The following GRIP1 variants were observed in gnomAD, a reference collection of about 807,000 sequenced individuals.
The protein encoded by GRIP1 is glutamate receptor interacting protein 1.
GRIP1 carries 45 observed loss-of-function variants against 129.9 expected under a neutral mutation model. The observed-to-expected ratio is 0.35, with a 90% CI of 0.27 to 0.44. The LOEUF (loss-of-function observed/expected upper bound fraction) is 0.44. Among genes scored for constraint, GRIP1 ranks in the 20% least tolerant of loss-of-function variants. The pLI, the probability that GRIP1 is intolerant of heterozygous loss-of-function variation, is 1.00. For synonymous variants in GRIP1, 530 were observed against 520.8 expected (o/e 1.02, Z -0.24); for missense variants, 1,196 against 1,396.8 (o/e 0.86, Z 2.29).
At chr12:66,649,532 T>C (rs1240008086) in intron 1 of GRIP1, among the ~76,000 whole-genome samples, 1 of 152,210 alleles carries the variant, frequency 6.6e-6, no homozygotes, top group Admixed American at 6.5e-5. Context: ...AAAGATGGGC[T>C]AGGCATTATT....
At chr12:66,990,746 G>C (rs2135638999) in intron 1 of GRIP1, among the ~76,000 whole-genome samples, 1 of 152,338 alleles carries the variant, frequency 6.6e-6, no homozygotes. Context: ...TGTAATCCCA[G>C]CACTTTAGGA....
intron 20 of GRIP1, among the ~76,000 whole-genome samples, chr12:66,378,674 G>A (rs899252127): frequency 6.6e-6 from 1 of 152,088 alleles, no homozygotes; most frequent in African/African-American, 2.4e-5. Context: ...AAACCCAGGA[G>A]GCAGAGGTTG....
intron 1 of GRIP1, among the ~76,000 whole-genome samples, chr12:66,944,791 TTTG>T (rs1016597238): frequency 6.7e-6 from 1 of 148,586 alleles, no homozygotes; most frequent in Non-Finnish European, 1.5e-5. Context: ...TGTTTTGTTG[TTTG>T]TTTTGTTTTG....
intron 1 of GRIP1, among the ~76,000 whole-genome samples, chr12:66,783,925 C>A (rs1337807754): frequency 6.6e-6 from 1 of 152,136 alleles, no homozygotes; most frequent in African/African-American, 2.4e-5. Flanking sequence ...GAAGTGCAGG[C>A]TCATTCATCA....
At chr12:66,625,699 C>T (rs547326023) in intron 1 of GRIP1, among the ~76,000 whole-genome samples, 22 of 152,000 alleles carry the variant, frequency 1.4e-4, no homozygotes, top group South Asian at 4.2e-4. Flanking sequence ...ATTATGCAAA[C>T]GTAAATTTTA....
chr12:66,793,343 G>A (rs1317923690), intron 1 of GRIP1, among the ~76,000 whole-genome samples: 1 of 152,128 alleles, frequency 6.6e-6, no homozygotes, highest in Middle Eastern at 3.2e-3. Context: ...CTGAGTCAAG[G>A]TCCCAACTCT....
chr12:66,817,256 C>T lies in GRIP1; in HGVS notation c.59-220329G>A, dbSNP rs1252809696. 6.7e-5 allele frequency among the ~76,000 whole-genome samples: 10 copies of T among 150,168 alleles called. No homozygotes were observed. In the Admixed American group the frequency reaches 6.7e-4, roughly 10 times the overall value. ...CACACACACACACATATATATTTCC[C>T]ACGGACTATTTCATTTTAAAGCGTA... On this transcript the variant is annotated intron_variant, in intron 1 of 1. Coordinates refer to the GRIP1 transcript ENST00000643019.
intron 1 of GRIP1, among the ~76,000 whole-genome samples, chr12:66,745,684 C>T (rs2036922535): frequency 6.6e-6 from 1 of 152,132 alleles, no homozygotes; most frequent in African/African-American, 2.4e-5. Flanking sequence ...TAAGACTTGA[C>T]ATGCAGAAGG....
intron 1 of GRIP1, among the ~76,000 whole-genome samples, chr12:66,606,752 G>C (rs2064549068): frequency 6.6e-6 from 1 of 152,100 alleles, no homozygotes; most frequent in South Asian, 2.1e-4. Context: ...GGCAGGGCAG[G>C]CATATTACAT....
At chr12:66,534,988 C>T (rs999861907) in intron 4 of GRIP1, among the ~76,000 whole-genome samples, 1 of 152,210 alleles carries the variant, frequency 6.6e-6, no homozygotes, top group Non-Finnish European at 1.5e-5. Flanking sequence ...GCCACCACAC[C>T]TAGCCCCCTC....
intron 1 of GRIP1, among the ~76,000 whole-genome samples, chr12:66,750,133 C>T (rs2037079255): frequency 6.6e-6 from 1 of 152,186 alleles, no homozygotes; most frequent in Admixed American, 6.5e-5. Context: ...GAGATTATAT[C>T]AGCTTACTTT....
At chr12:66,666,947 C>G (rs778353136) in intron 1 of GRIP1, among the ~76,000 whole-genome samples, 1 of 150,714 alleles carries the variant, frequency 6.6e-6, no homozygotes, top group Non-Finnish European at 1.5e-5. Flanking sequence ...TTATAGGAAA[C>G]CTATTTTTAT....
At chr12:66,892,582 T>TA (rs2040679512) in intron 1 of GRIP1, among the ~76,000 whole-genome samples, 1 of 150,826 alleles carries the variant, frequency 6.6e-6, no homozygotes. Flanking sequence ...ATTTACTCAC[T>TA]TATATATATA....
chr12:66,382,693 C>G (rs1261471260), intron 19 of GRIP1, among the ~76,000 whole-genome samples: 1 of 152,162 alleles, frequency 6.6e-6, no homozygotes, highest in Admixed American at 6.5e-5. Flanking sequence ...ATGCAGTAAA[C>G]ACTTGGGTGT....
chr12:66,771,441 T>C (rs2037815199), intron 1 of GRIP1, among the ~76,000 whole-genome samples: 1 of 152,152 alleles, frequency 6.6e-6, no homozygotes, highest in Non-Finnish European at 1.5e-5. Context: ...ATAAAGCCAA[T>C]GATAAAATTA....
In GRIP1 at chr12:66,590,730, G is replaced by A. The variant is rs574386320; in HGVS notation, c.136+6117C>T. 3.3e-5 allele frequency among the ~76,000 whole-genome samples: 5 copies of A among 152,268 alleles called. No individual in the cohort carries two copies. In the South Asian group the frequency reaches 1.0e-3, roughly 32 times the overall value. ...AAACAGAAACAAATGAGGCTGGGGGGAACCTCTGGCTTTTCAAAGTCTCTA... is the reference window on the plus strand; with the variant it reads ...AAACAGAAACAAATGAGGCTGGGGGAAACCTCTGGCTTTTCAAAGTCTCTA... On this transcript the variant is annotated intron_variant, in intron 2 of 24. Transcript: ENST00000359742.
At chr12:66,529,618 G>A (rs575793777) in intron 5 of GRIP1, among the ~76,000 whole-genome samples, 6 of 152,228 alleles carry the variant, frequency 3.9e-5, no homozygotes, top group African/African-American at 1.2e-4. Flanking sequence ...AGATACAAGG[G>A]ACTTTCAGGA....
At chr12:66,690,064 A>G (rs565497535) in intron 1 of GRIP1, among the ~76,000 whole-genome samples, 1 of 152,108 alleles carries the variant, frequency 6.6e-6, no homozygotes, top group East Asian at 1.9e-4. Context: ...GACCACAGGC[A>G]AATGCCATCA....
chr12:66,980,325 A>G (rs949016082), intron 1 of GRIP1, among the ~76,000 whole-genome samples: 1 of 152,194 alleles, frequency 6.6e-6, no homozygotes, highest in African/African-American at 2.4e-5. Context: ...AAGAATTCAT[A>G]TATGTGGCTA....
Sources: gnomAD v4.1 joint callset for allele counts (sites outside exome capture counted in the v4.1 genomes callset) on GRCh38, gnomAD v4.1.1 for gene constraint, MANE v1.5 for transcripts, NCBI Gene and HGNC (gene_info 2026-07-23, HGNC 2026-07-21) for gene names.